CNBD1: variants seen among roughly 807,000 people sequenced by gnomAD.
CNBD1 encodes the protein cyclic nucleotide binding domain containing 1, also known as cyclic nucleotide-binding domain-containing protein 1.
A neutral mutation model predicts 54.4 loss-of-function variants in CNBD1; 71 were observed. That is an observed-to-expected ratio of 1.30 (90% CI 1.08 to 1.59). The LOEUF (loss-of-function observed/expected upper bound fraction) is 1.59, where lower values mean the gene tolerates loss of function less well. Among genes scored for constraint, CNBD1 ranks in the 40% most tolerant of loss-of-function variants. The probability of loss-of-function intolerance (pLI) is 0.00; values close to 1 mark genes in which losing one functional copy is unlikely to be tolerated. For synonymous variants in CNBD1, 182 were observed against 170.7 expected, an observed-to-expected ratio of 1.07 and a Z score of -0.51; for missense variants, 659 against 518.0, an observed-to-expected ratio of 1.27 and a Z score of -2.64.
At chr8:87,237,345 T>C (rs1426029445) in intron 6 of CNBD1, 1 of 329,834 alleles carries the variant, frequency 3.0e-6, no homozygotes. Flanking sequence ...GTGTATTTGG[T>C]AACAGACAAG....
chr8:87,164,181 A>G (rs1454743794), intron 4 of CNBD1, among the ~76,000 whole-genome samples: 2 of 151,872 alleles, frequency 1.3e-5, no homozygotes, highest in East Asian at 1.9e-4. Flanking sequence ...TTAATATGCT[A>G]TTGAATATGG....
chr8:87,083,788 C>A (rs1000381194), intron 4 of CNBD1, among the ~76,000 whole-genome samples: 28 of 152,082 alleles, frequency 1.8e-4, no homozygotes, highest in African/African-American at 6.5e-4. Flanking sequence ...CAGGGTTTTA[C>A]CATGTTAGCC....
At chr8:86,982,380 CA>C (rs1482889931) in intron 4 of CNBD1, among the ~76,000 whole-genome samples, 1 of 152,154 alleles carries the variant, frequency 6.6e-6, no homozygotes, top group Admixed American at 6.5e-5. Flanking sequence ...TAATATGTCA[CA>C]AAATTTTCTC....
chr8:87,420,924 T>A (rs1180166047), intron 2 of CNBD1, among the ~76,000 whole-genome samples: 4 of 152,002 alleles, frequency 2.6e-5, no homozygotes, highest in Non-Finnish European at 4.4e-5. Context: ...GATCGTGGAG[T>A]AAGCTTTCAA....
At chr8:87,018,069 C>G (rs1809405212) in intron 4 of CNBD1, among the ~76,000 whole-genome samples, 1 of 152,058 alleles carries the variant, frequency 6.6e-6, no homozygotes, top group Non-Finnish European at 1.5e-5. Flanking sequence ...CATGGAGAAA[C>G]CCCATCTCTA....
At chr8:87,258,108 A>T (rs1445697293) in intron 6 of CNBD1, among the ~76,000 whole-genome samples, 1 of 152,114 alleles carries the variant, frequency 6.6e-6, no homozygotes, top group African/African-American at 2.4e-5. Context: ...TGTCTTTGGG[A>T]TGCTTTAAGT....
At chr8:87,301,442 C>A (rs1365841518) in intron 8 of CNBD1, among the ~76,000 whole-genome samples, 1 of 151,534 alleles carries the variant, frequency 6.6e-6, no homozygotes, top group Non-Finnish European at 1.5e-5. Flanking sequence ...ATGCTAAAAT[C>A]CTTAATAAAA....
In CNBD1 at chr8:87,330,256, G is replaced by A. The variant is rs147927193; in HGVS notation, c.1043-21429G>A. On this transcript the variant is annotated intron_variant, in intron 8 of 10. Transcript: ENST00000518476. Reference sequence around the variant, plus strand: ...CTTTTTTTTTTTTTCAGTTAGCCTGGTTAGAGGCTTATCAGTTGTATTAAT... The same window carrying A: ...CTTTTTTTTTTTTTCAGTTAGCCTGATTAGAGGCTTATCAGTTGTATTAAT... 5.0e-5 allele frequency among the ~76,000 whole-genome samples: 7 copies of A among 141,252 alleles called. 1 individual carries two copies. Among genetic ancestry groups the A allele is most frequent in the South Asian group, 2.2e-4 (1 of 4,608 alleles). The allele number at this position is 141,252 out of a possible 152,430, so 92.7% of individuals were successfully genotyped here.
chr8:87,356,183 C>G (rs548316840), intron 10 of CNBD1, among the ~76,000 whole-genome samples: 1 of 152,044 alleles, frequency 6.6e-6, no homozygotes, highest in Non-Finnish European at 1.5e-5. Context: ...AATGACAACA[C>G]AAAACTAATA....
chr8:86,982,377 TCA>T (rs1215955472), intron 4 of CNBD1, among the ~76,000 whole-genome samples: 1 of 152,212 alleles, frequency 6.6e-6, no homozygotes, highest in Non-Finnish European at 1.5e-5. Flanking sequence ...TTTTAATATG[TCA>T]CAAAATTTTC....
At chr8:86,904,266 T>A (rs182902140) in intron 2 of CNBD1, among the ~76,000 whole-genome samples, 1 of 152,068 alleles carries the variant, frequency 6.6e-6, no homozygotes, top group Admixed American at 6.6e-5. Context: ...AGTATGATAA[T>A]TTTTTATAAT....
At chr8:87,183,250 T>C (rs1173579183) in intron 4 of CNBD1, among the ~76,000 whole-genome samples, 1 of 152,160 alleles carries the variant, frequency 6.6e-6, no homozygotes, top group Non-Finnish European at 1.5e-5. Flanking sequence ...GTCTCTTTTG[T>C]AGGTATATGT....
chr8:87,371,722 A>G (rs1006473956), intron 10 of CNBD1, among the ~76,000 whole-genome samples: 1 of 152,002 alleles, frequency 6.6e-6, no homozygotes, highest in African/African-American at 2.4e-5. Context: ...TATAAACAGA[A>G]CCAAAGACAA....
At chr8:87,014,056 G>A (rs1036878097) in intron 4 of CNBD1, among the ~76,000 whole-genome samples, 1 of 151,694 alleles carries the variant, frequency 6.6e-6, no homozygotes, top group Admixed American at 6.6e-5. Flanking sequence ...ACATGTTTAT[G>A]TGTGTGTATA....
intron 8 of CNBD1, among the ~76,000 whole-genome samples, chr8:87,297,590 G>C (rs1808903111): frequency 6.6e-6 from 1 of 152,048 alleles, no homozygotes; most frequent in African/African-American, 2.4e-5. Flanking sequence ...AAAGTGGCTA[G>C]AGCTAAGAGA....
At chr8:86,974,635 T>G (rs1181095930) in intron 4 of CNBD1, among the ~76,000 whole-genome samples, 1 of 152,024 alleles carries the variant, frequency 6.6e-6, no homozygotes, top group Non-Finnish European at 1.5e-5. Context: ...CATGTTAAAT[T>G]TAAAGGTGAG....
chr8:86,990,945 T>C (rs776360578), intron 4 of CNBD1, among the ~76,000 whole-genome samples: 17 of 152,162 alleles, frequency 1.1e-4, no homozygotes, highest in Middle Eastern at 3.2e-3. Context: ...TATGTGTGGC[T>C]ATTGTACATG....
intron 8 of CNBD1, among the ~76,000 whole-genome samples, chr8:87,303,041 C>T (rs1190226146): frequency 2.6e-5 from 4 of 151,328 alleles, no homozygotes; most frequent in African/African-American, 7.3e-5. Flanking sequence ...GAATCAATAT[C>T]GTGAAAATGG....
chr8:87,229,578 A>G (rs181402332), intron 5 of CNBD1, among the ~76,000 whole-genome samples: 92 of 152,256 alleles, frequency 6.0e-4, no homozygotes, highest in Admixed American at 1.1e-3. Flanking sequence ...ATTATGTCAA[A>G]TACTCTTTGA....
Sources: gnomAD v4.1 joint callset for allele counts (sites outside exome capture counted in the v4.1 genomes callset) on GRCh38, gnomAD v4.1.1 for gene constraint, MANE v1.5 for transcripts, NCBI Gene and HGNC (gene_info 2026-07-23, HGNC 2026-07-21) for gene names.